The following ACACA variants were observed in gnomAD, a reference collection of about 807,000 sequenced individuals.
ACACA encodes acetyl-CoA carboxylase alpha.
A neutral mutation model predicts 296.1 loss-of-function variants in ACACA; 103 were observed. That is an observed-to-expected ratio of 0.35 (90% CI 0.30 to 0.41). The LOEUF is 0.41. Among genes scored for constraint, ACACA ranks in the 10% least tolerant of loss-of-function variants. The pLI is 1.00. For synonymous variants in ACACA, 953 were observed against 1,038.6 expected, an observed-to-expected ratio of 0.92 and a Z score of 1.58; for missense variants, 1,554 against 2,989.7, an observed-to-expected ratio of 0.52 and a Z score of 11.20.
intron 29 of ACACA, among the ~76,000 whole-genome samples, chr17:37,217,765 C>CAAACAAAAAAAAA (rs1288966438): frequency 1.3e-5 from 1 of 75,968 alleles, no homozygotes; most frequent in Non-Finnish European, 2.9e-5. Context: ...AAAAAAAAAA[C>CAAACAAAAAAAAA]AACCTGTTTT....
At chr17:37,376,120 A>G (rs2049991358) in intron 1 of ACACA, 1 of 1,613,234 alleles carries the variant, frequency 6.2e-7, no homozygotes. Flanking sequence ...CTTCAGCCTA[A>G]TCATTGCATC....
chr17:37,268,733 CTATCTATCTATATATATATA>C (rs1436638729), intron 10 of ACACA, among the ~76,000 whole-genome samples: 5 of 70,828 alleles, frequency 7.1e-5, no homozygotes, highest in African/African-American at 3.1e-4. Context: ...ATCTATCTAT[CTATCTATCTATATATATATA>C]TATATATATA....
At chr17:37,333,177 C>G (rs1480324216) in intron 2 of ACACA, among the ~76,000 whole-genome samples, 2 of 152,276 alleles carry the variant, frequency 1.3e-5, no homozygotes, top group African/African-American at 4.8e-5. Flanking sequence ...TATATACAGA[C>G]TCTAAGTATG....
intron 1 of ACACA, among the ~76,000 whole-genome samples, chr17:37,383,503 TC>T (rs1346299408): frequency 6.6e-6 from 1 of 152,230 alleles, no homozygotes; most frequent in Non-Finnish European, 1.5e-5. Context: ...GACCTAATCA[TC>T]ACTCATGATA....
chr17:37,210,356 A>G, intron 30 of ACACA, 111 bp downstream of exon 30: 1 of 991,458 alleles, frequency 1.0e-6, no homozygotes, highest in Admixed American at 1.8e-5. Flanking sequence ...AGGACTCCCT[A>G]GCAGATAACA....
intron 29 of ACACA, among the ~76,000 whole-genome samples, chr17:37,213,120 C>T (rs2078826734): frequency 6.6e-6 from 1 of 151,640 alleles, no homozygotes; most frequent in Non-Finnish European, 1.5e-5. Flanking sequence ...GAGTTTAAGA[C>T]CAGCCCAGGC....
intron 41 of ACACA, among the ~76,000 whole-genome samples, chr17:37,170,439 C>T (rs1365757511): frequency 6.6e-6 from 1 of 152,030 alleles, no homozygotes; most frequent in Non-Finnish European, 1.5e-5. Flanking sequence ...TGTAGAAACA[C>T]ATTTGGTTTG....
chr17:37,132,500 A>G (rs573250388), intron 45 of ACACA, among the ~76,000 whole-genome samples: 1 of 152,312 alleles, frequency 6.6e-6, no homozygotes, highest in African/African-American at 2.4e-5. Context: ...GTTAGAAGGC[A>G]TTCAGTGTGA....
chr17:37,287,582 A>C (rs1216644449), intron 3 of ACACA, among the ~76,000 whole-genome samples: 1 of 145,546 alleles, frequency 6.9e-6, no homozygotes, highest in South Asian at 2.2e-4. Flanking sequence ...AAAAAAAAAA[A>C]AAAAAAAACA....
chr17:37,271,267 G>C (rs1251399609), intron 9 of ACACA, among the ~76,000 whole-genome samples: 1 of 152,232 alleles, frequency 6.6e-6, no homozygotes, highest in African/African-American at 2.4e-5. Context: ...TGTAATCACA[G>C]CACTTTGGGA....
chr17:37,213,403 G>C (rs978096316), intron 29 of ACACA, among the ~76,000 whole-genome samples: 1 of 147,384 alleles, frequency 6.8e-6, no homozygotes, highest in Admixed American at 6.7e-5. Flanking sequence ...AGGCAATCAA[G>C]TATATTTTCA....
chr17:37,190,531 G>C (rs1363971653), intron 38 of ACACA, among the ~76,000 whole-genome samples: 2 of 152,108 alleles, frequency 1.3e-5, no homozygotes, highest in Non-Finnish European at 2.9e-5. Flanking sequence ...AAATCACCTT[G>C]TTTTTCTTCC....
chr17:37,283,260 A>G lies in ACACA; in HGVS notation c.610+7T>C, dbSNP rs2082626626. On this transcript the variant is annotated splice_region_variant and intron_variant, in intron 5 of 55. Coordinates refer to ENST00000616317, the MANE Select transcript of ACACA (RefSeq NM_198834.3). ...AGAGTGATGCTTTCATAATGCTAAT[A>G]ACTCACCTGCATTGGCTTTAAGGTC... 1 of 1,614,018 alleles carries G rather than the reference A, an allele frequency of 6.2e-7. No homozygotes were observed. Among genetic ancestry groups the G allele is most frequent in the Admixed American group, 1.7e-5 (1 of 59,992 alleles).
At chr17:37,172,830 A>G (rs1334671626) in intron 41 of ACACA, among the ~76,000 whole-genome samples, 1 of 152,196 alleles carries the variant, frequency 6.6e-6, no homozygotes, top group Non-Finnish European at 1.5e-5. Context: ...GGACAGATTA[A>G]TGGCAAAGAC....
At chr17:37,175,885 T>C (rs1382427404) in intron 41 of ACACA, among the ~76,000 whole-genome samples, 1 of 152,156 alleles carries the variant, frequency 6.6e-6, no homozygotes, top group Non-Finnish European at 1.5e-5. Context: ...ACTAGGAAAA[T>C]AGAAAGGAGA....
chr17:37,386,064 T>A (rs1461978892), intron 1 of ACACA: 1 of 1,606,598 alleles, frequency 6.2e-7, no homozygotes, highest in South Asian at 1.1e-5. Flanking sequence ...CAGAGACTTT[T>A]CCCACCACTG....
intron 41 of ACACA, among the ~76,000 whole-genome samples, chr17:37,175,916 G>GAA (rs1050175013): frequency 6.6e-6 from 1 of 152,162 alleles, no homozygotes; most frequent in Non-Finnish European, 1.5e-5. Context: ...TACAGCATCA[G>GAA]AAAAGCTCTG....
intron 32 of ACACA, 25 bp downstream of exon 32, chr17:37,206,758 C>G: frequency 6.5e-7 from 1 of 1,536,022 alleles, no homozygotes; most frequent in Non-Finnish European, 9.0e-7. Context: ...GGGAACAAAG[C>G]AGTCTCCCAA....
chr17:37,306,498 C>T (rs949443229), intron 3 of ACACA, among the ~76,000 whole-genome samples: 2 of 152,038 alleles, frequency 1.3e-5, no homozygotes, highest in African/African-American at 4.8e-5. Context: ...CATTAAGATA[C>T]AGAATATTTC....
Sources: allele counts gnomAD v4.1 joint callset (sites outside exome capture counted in the v4.1 genomes callset), GRCh38; gene constraint gnomAD v4.1.1; transcripts MANE v1.5; gene names NCBI Gene and HGNC (gene_info 2026-07-23, HGNC 2026-07-21).